MID1: variants seen among roughly 807,000 people sequenced by gnomAD.
The protein encoded by MID1 is midline 1.
In MID1, 7 loss-of-function variants were observed where a neutral mutation model predicts 40.4. The ratio of observed to expected loss-of-function variants is 0.17; its 90% CI spans 0.10 to 0.33. MID1 has a LOEUF of 0.33. MID1 is among the 10% of genes least tolerant of loss of function. MID1 has a pLI of 1.00. For missense variants in MID1, 367 were observed against 558.5 expected (o/e 0.66, Z 3.46); for synonymous variants, 229 against 221.2 (o/e 1.04, Z -0.31).
At chrX:10,521,232 T>C (rs754568819) in intron 3 of MID1, among the ~76,000 whole-genome samples, 1 of 110,616 alleles carries the variant, frequency 9.0e-6, no homozygotes, top group Admixed American at 9.6e-5. Flanking sequence ...TCTGCCCCCA[T>C]GACCCAAACA....
intron 1 of MID1, among the ~76,000 whole-genome samples, chrX:10,642,180 G>C (rs994451743): frequency 9.0e-6 from 1 of 111,643 alleles, no homozygotes; most frequent in East Asian, 2.8e-4. Flanking sequence ...AATCAGGCAG[G>C]AGAAAGAAAT....
chrX:10,452,064 CTTG>C (rs1253254781), intron 9 of MID1, among the ~76,000 whole-genome samples: 1 of 111,769 alleles, frequency 8.9e-6, no homozygotes, highest in Non-Finnish European at 1.9e-5. Context: ...TTGTTTCCTT[CTTG>C]TTGTGGCACA....
rs770357013 is a variant in MID1 at position 10,685,922 on chromosome X, AC to A, written c.-186-65504del. Among the ~76,000 whole-genome samples the A allele has an allele frequency of 2.3e-3, 233 of 101,136 alleles. 1 individual carries two copies. Among genetic ancestry groups the A allele is most frequent in the African/African-American group, 7.7e-3 (214 of 27,920 alleles). 87.8% of individuals were successfully genotyped at this position (101,136 alleles called of 115,157 possible). A position where few individuals can be genotyped will look rare whatever the true frequency, so the allele number is the denominator to read the frequency against. ...CACACACACACACACACACACACTC[AC>A]CCCTACCTGTGTAGTACAAGATGGA... is the stretch of plus-strand genomic sequence containing the variant. On this transcript the variant is annotated intron_variant, in intron 1 of 10. Transcript: ENST00000380785.
At chrX:10,610,368 T>C (rs1935716160) in intron 1 of MID1, among the ~76,000 whole-genome samples, 1 of 112,316 alleles carries the variant, frequency 8.9e-6, no homozygotes, top group Admixed American at 9.4e-5. Flanking sequence ...TCAGTGCACA[T>C]TGCTTTAATG....
At chrX:10,554,738 G>A (rs1030369080) in intron 2 of MID1, among the ~76,000 whole-genome samples, 4 of 110,669 alleles carry the variant, frequency 3.6e-5, no homozygotes, top group Non-Finnish European at 7.6e-5. Context: ...AAGTGCATAC[G>A]GCTTCCCCAT....
At chrX:10,549,986 G>A (rs1003051546) in intron 2 of MID1, among the ~76,000 whole-genome samples, 5 of 112,773 alleles carry the variant, frequency 4.4e-5, no homozygotes, top group African/African-American at 9.7e-5. Flanking sequence ...TCTGACTTGA[G>A]GAGTTTAGAA....
chrX:10,571,365 T>C (rs1384546214), intron 1 of MID1, among the ~76,000 whole-genome samples: 3 of 112,266 alleles, frequency 2.7e-5, no homozygotes, highest in African/African-American at 9.7e-5. Context: ...AGCATTTTTG[T>C]TAAATGACTC....
intron 7 of MID1, among the ~76,000 whole-genome samples, chrX:10,468,797 T>C (rs1316796233): frequency 8.9e-6 from 1 of 111,912 alleles, no homozygotes; most frequent in Non-Finnish European, 1.9e-5. Flanking sequence ...TCTTCCCGGG[T>C]GGGGCCAGTT....
chrX:10,572,125 C>A (rs1322557593), intron 1 of MID1, among the ~76,000 whole-genome samples: 2 of 107,003 alleles, frequency 1.9e-5, no homozygotes, highest in African/African-American at 7.0e-5. Context: ...CTCTCTCTCT[C>A]TCTTTCTCTC....
chrX:10,745,547 A>G (rs1274748343), intron 1 of MID1, among the ~76,000 whole-genome samples: 2 of 112,606 alleles, frequency 1.8e-5, no homozygotes, highest in Admixed American at 1.9e-4. Context: ...AAGAATTCCA[A>G]GTTTTCACCA....
chrX:10,718,114 C>T (rs1484426157), intron 1 of MID1, among the ~76,000 whole-genome samples: 1 of 111,558 alleles, frequency 9.0e-6, no homozygotes, highest in Non-Finnish European at 1.9e-5. Flanking sequence ...AAAATTGACA[C>T]CCTAACATCA....
At chrX:10,580,214 C>T (rs1426717216) in intron 1 of MID1, among the ~76,000 whole-genome samples, 1 of 97,244 alleles carries the variant, frequency 1.0e-5, no homozygotes, top group Non-Finnish European at 2.0e-5. Context: ...CCCTTTCAAC[C>T]AGTGATCTGC....
chrX:10,509,418 G>C (rs1037315043), intron 3 of MID1, among the ~76,000 whole-genome samples: 1 of 111,058 alleles, frequency 9.0e-6, no homozygotes, highest in Non-Finnish European at 1.9e-5. Context: ...TTTTTCTTTT[G>C]CAAACCAGAA....
chrX:10,770,410 G>C (rs111873144), intron 1 of MID1, among the ~76,000 whole-genome samples: 1 of 111,551 alleles, frequency 9.0e-6, no homozygotes, highest in Non-Finnish European at 1.9e-5. Flanking sequence ...TTCTGGGAGG[G>C]GACTGAGGTC....
chrX:10,546,480 G>T (rs1933685262), intron 2 of MID1, among the ~76,000 whole-genome samples: 1 of 111,492 alleles, frequency 9.0e-6, no homozygotes, highest in African/African-American at 3.3e-5. Flanking sequence ...TTTTCTCAAT[G>T]ATACTGTGAA....
At chrX:10,814,943 T>C (rs2044126448) in intron 1 of MID1, among the ~76,000 whole-genome samples, 1 of 111,429 alleles carries the variant, frequency 9.0e-6, no homozygotes, top group African/African-American at 3.3e-5. Context: ...TAATCCTTCA[T>C]TTGCTGAAGG....
chrX:10,648,491 A>G (rs960499572), intron 1 of MID1, among the ~76,000 whole-genome samples: 7 of 112,278 alleles, frequency 6.2e-5, no homozygotes, highest in African/African-American at 2.3e-4. Flanking sequence ...TTTCAGACCA[A>G]TAAAAGAAGA....
Position 10,663,528 on chromosome X carries a change from TTTTG to T in MID1, c.-186-43113_-186-43110del, listed in dbSNP as rs201374976. On this transcript the variant is annotated intron_variant, in intron 1 of 10. Transcript: ENST00000380785. ...TCCTGCATTTGTTTTTTTGTTTGTT[TTTTG>T]TTTGTTTGTTTGTATTTAGACAGTT... Among the ~76,000 whole-genome samples, 702 of 111,813 alleles carry T rather than the reference TTTTG, an allele frequency of 6.3e-3. 6 individuals are homozygous for T. The highest frequency in any genetic ancestry group is 0.02 in the African/African-American group (626 of 30,711).
intron 2 of MID1, among the ~76,000 whole-genome samples, chrX:10,557,819 T>C (rs1347280917): frequency 8.9e-6 from 1 of 111,804 alleles, no homozygotes; most frequent in Non-Finnish European, 1.9e-5. Context: ...CGACATCTCC[T>C]ATTTCTTCCT....
Sources: gnomAD v4.1 joint callset for allele counts (sites outside exome capture counted in the v4.1 genomes callset) on GRCh38, gnomAD v4.1.1 for gene constraint, MANE v1.5 for transcripts, NCBI Gene and HGNC (gene_info 2026-07-23, HGNC 2026-07-21) for gene names.